Variants in MOCOS observed in about 807,000 individuals in gnomAD.
The protein encoded by MOCOS is molybdenum cofactor sulfurase.
In MOCOS, 86 loss-of-function variants were observed where a neutral mutation model predicts 83.6. That is an observed-to-expected ratio of 1.03 (90% CI 0.86 to 1.23). The LOEUF is 1.23. MOCOS is among the 50% of genes most tolerant of loss of function. The pLI, the probability that MOCOS is intolerant of heterozygous loss-of-function variation, is 0.00. For synonymous variants in MOCOS, 445 were observed against 434.7 expected (o/e 1.02, Z -0.29); for missense variants, 1,120 against 1,126.9 (o/e 0.99, Z 0.09).
chr18:36,264,004 G>T (rs72884248), intron 13 of MOCOS, among the ~76,000 whole-genome samples: 3 of 151,886 alleles, frequency 2.0e-5, no homozygotes, highest in Non-Finnish European at 4.4e-5. Flanking sequence ...TGCAGAACCC[G>T]TCTCTACTAA....
At chr18:36,207,775 T>G (rs2091440054) in intron 6 of MOCOS, among the ~76,000 whole-genome samples, 1 of 152,240 alleles carries the variant, frequency 6.6e-6, no homozygotes. Flanking sequence ...TTTCTTTTGC[T>G]GTGCCAATGT....
chr18:36,244,981 C>A (rs1333517184), intron 9 of MOCOS, among the ~76,000 whole-genome samples: 21 of 152,060 alleles, frequency 1.4e-4, no homozygotes, highest in Admixed American at 1.2e-3. Context: ...CATGGAATAT[C>A]TTTTTCCACC....
chr18:36,199,682 G>C lies in MOCOS; in HGVS notation c.300-1G>C, dbSNP rs138341349. 9.5e-5 allele frequency: 153 copies of C among 1,613,364 alleles called. No individual in the cohort carries two copies. Among genetic ancestry groups the C allele is most frequent in the Non-Finnish European group, 1.2e-4 (146 of 1,180,050 alleles). On this transcript the variant is annotated splice_acceptor_variant, in intron 3 of 14. Coordinates refer to ENST00000261326, the MANE Select transcript of MOCOS (RefSeq NM_017947.4). LOFTEE classifies it high-confidence loss of function. ...TTGCGGGGATGCTGTGCTTCTTCCA[G>C]AATCCTGGCGCACTTCCACACCACC...
intron 4 of MOCOS, among the ~76,000 whole-genome samples, chr18:36,200,723 C>A (rs1019446795): frequency 6.6e-6 from 1 of 152,166 alleles, no homozygotes; most frequent in Non-Finnish European, 1.5e-5. Context: ...AAAGGTGGCA[C>A]CATTTGGAAA....
chr18:36,208,234 C>T (rs1415219644), intron 6 of MOCOS, among the ~76,000 whole-genome samples: 1 of 152,138 alleles, frequency 6.6e-6, no homozygotes, highest in African/African-American at 2.4e-5. Context: ...AGTGTGATGC[C>T]TTCAGCTTTA....
chr18:36,251,137 C>T (rs1555655522), intron 10 of MOCOS, 22 bp from the exon 11 acceptor site: 1 of 1,606,672 alleles, frequency 6.2e-7, no homozygotes, highest in African/African-American at 1.3e-5. Context: ...ACAGTTCACT[C>T]TTTCTCTCTC....
At chr18:36,192,899 T>A (rs1830589026) in intron 1 of MOCOS, among the ~76,000 whole-genome samples, 1 of 152,080 alleles carries the variant, frequency 6.6e-6, no homozygotes, top group Admixed American at 6.5e-5. Flanking sequence ...TCCACTCACC[T>A]CAGCTTCCCC....
intron 7 of MOCOS, 69 bp from the exon 8 acceptor site, chr18:36,215,447 G>A: frequency 7.0e-7 from 1 of 1,431,206 alleles, no homozygotes. Flanking sequence ...AATTTATTTT[G>A]CCGAACTGTT....
intron 9 of MOCOS, among the ~76,000 whole-genome samples, chr18:36,248,369 A>C (rs933010617): frequency 1.3e-5 from 2 of 152,140 alleles, no homozygotes; most frequent in Non-Finnish European, 1.5e-5. Flanking sequence ...GATGCTTTGC[A>C]AACATTTCCT....
intron 9 of MOCOS, among the ~76,000 whole-genome samples, chr18:36,239,232 A>T (rs2091571620): frequency 6.6e-6 from 1 of 152,138 alleles, no homozygotes; most frequent in Admixed American, 6.6e-5. Context: ...CCTAGACTTG[A>T]TGATCGTTAC....
intron 6 of MOCOS, among the ~76,000 whole-genome samples, chr18:36,212,644 G>A (rs944956814): frequency 3.9e-5 from 6 of 152,174 alleles, no homozygotes; most frequent in Non-Finnish European, 7.3e-5. Context: ...GAAGACTGCC[G>A]TGGTCTTGAT....
At position 36,257,054 on chromosome 18, in the gene MOCOS, C is replaced by T; in HGVS notation, c.2251C>T (p.His751Tyr). The T allele has an allele frequency of 1.2e-6, 2 of 1,613,928 alleles. No individual in the cohort carries two copies. Among genetic ancestry groups the T allele is most frequent in the Non-Finnish European group, 1.7e-6 (2 of 1,179,834 alleles). Residue 751 changes from histidine (H) to tyrosine (Y), a missense_variant, in exon 12 of 15, where the codon CAC becomes TAC. His to Tyr is a moderately conservative substitution (Grantham distance 83). Coordinates refer to ENST00000261326, the MANE Select transcript of MOCOS (RefSeq NM_017947.4). ...CAACACATCCAGTATTTTGGAACTT[C>T]ACCGGCAACTAAACACCAGGTAAGA... Reference protein sequence around the residue: ...LINTSSILELHRQLNTSDENG... With the variant: ...LINTSSILELYRQLNTSDENG...
chr18:36,249,615 G>C (rs1484398769), intron 10 of MOCOS, among the ~76,000 whole-genome samples: 1 of 152,062 alleles, frequency 6.6e-6, no homozygotes, highest in Admixed American at 6.6e-5. Context: ...AGACCAGCTG[G>C]TGCCTGTGGA....
At chr18:36,189,455 C>CG (rs34504734) in intron 1 of MOCOS, among the ~76,000 whole-genome samples, 17,976 of 152,012 alleles carry the variant, frequency 0.12, 1,235 homozygotes, top group South Asian at 0.16. Context: ...AGAGAGAGGG[C>CG]GGGAAAAAAC....
rs2091698074 is a variant in MOCOS at position 36,271,200 on chromosome 18, G to C, written c.*2515G>C. 6.6e-6 allele frequency: 1 copy of C among 152,086 alleles called. No homozygotes were observed. Among genetic ancestry groups the C allele is most frequent in the African/African-American group, 2.4e-5 (1 of 41,406 alleles). The allele number at this position is 152,086 out of a possible 1,614,324, so 9.4% of individuals were successfully genotyped here. The stretch of plus-strand genomic sequence containing the variant: ...ATTTGGTTATCTACTTATAATTACT[G>C]ATTTAACATTGATCTGTTTTCACTA... On this transcript the variant is annotated 3_prime_UTR_variant, in exon 15 of 15. Coordinates refer to ENST00000261326, the MANE Select transcript of MOCOS (RefSeq NM_017947.4).
rs2091463056 is a variant in MOCOS at position 36,213,481 on chromosome 18, A to G, written c.1334A>G (p.Gln445Arg). Reference protein sequence around the residue: ...ISNEMVRKHFQAGHVCGDNMD... With the variant: ...ISNEMVRKHFRAGHVCGDNMD... ...AACGAGATGGTCAGGAAGCATTTTC[A>G]GGTTGGTACAGGGCTCTGCGATCCA... The change falls in exon 7 of 15, where the codon CAG (glutamine) becomes CGG (arginine). Residue 445 changes from glutamine (Q) to arginine (R), a missense_variant and splice_region_variant. Gln to Arg is a conservative substitution (Grantham distance 43). Coordinates refer to ENST00000261326, the MANE Select transcript of MOCOS (RefSeq NM_017947.4). 5.6e-6 allele frequency: 9 copies of G among 1,611,178 alleles called. No homozygotes were observed. Among genetic ancestry groups the G allele is most frequent in the Admixed American group, 1.7e-5 (1 of 59,994 alleles).
chr18:36,242,865 A>G (rs1162805453), intron 9 of MOCOS, among the ~76,000 whole-genome samples: 2 of 152,228 alleles, frequency 1.3e-5, no homozygotes, highest in Non-Finnish European at 2.9e-5. Flanking sequence ...GGGGATTACA[A>G]TTCAAGATGA....
intron 13 of MOCOS, among the ~76,000 whole-genome samples, chr18:36,260,725 A>G (rs1568069967): frequency 6.6e-6 from 1 of 152,020 alleles, no homozygotes; most frequent in Non-Finnish European, 1.5e-5. Context: ...AGATATGAGA[A>G]AGAGGCGAAA....
chr18:36,258,137 T>G (rs1414650353), intron 12 of MOCOS, among the ~76,000 whole-genome samples: 1 of 151,258 alleles, frequency 6.6e-6, no homozygotes, highest in Non-Finnish European at 1.5e-5. Context: ...TTTTTTGGGG[T>G]TCTTCGTGTG....
Sources: gnomAD v4.1 joint callset for allele counts (sites outside exome capture counted in the v4.1 genomes callset) on GRCh38, gnomAD v4.1.1 for gene constraint, MANE v1.5 for transcripts, NCBI Gene and HGNC (gene_info 2026-07-23, HGNC 2026-07-21) for gene names.